Variants in RNF145 observed in about 807,000 individuals in gnomAD.
RNF145 encodes the protein ring finger protein 145.
In RNF145, 12 loss-of-function variants were observed where a neutral mutation model predicts 57.3. The ratio of observed to expected loss-of-function variants is 0.21; its 90% CI spans 0.13 to 0.34. RNF145 has a LOEUF of 0.34. Ranked by LOEUF, RNF145 falls within the 10% of genes least tolerant of loss-of-function variation. The pLI, the probability that RNF145 is intolerant of heterozygous loss-of-function variation, is 1.00. For missense variants in RNF145, 429 were observed against 799.0 expected, an observed-to-expected ratio of 0.54 and a Z score of 5.58; for synonymous variants, 262 against 288.3, an observed-to-expected ratio of 0.91 and a Z score of 0.92.
intron 3 of RNF145, among the ~76,000 whole-genome samples, chr5:159,192,689 C>T (rs1200775435): frequency 6.6e-6 from 1 of 152,134 alleles, no homozygotes; most frequent in African/African-American, 2.4e-5. Context: ...TTTGATCTTA[C>T]AACAGCCCCT....
chr5:159,169,585 CT>C (rs1294142008), intron 7 of RNF145, 93 bp downstream of exon 7: 1 of 1,096,828 alleles, frequency 9.1e-7, no homozygotes, highest in African/African-American at 1.6e-5. Context: ...AATTCCATTT[CT>C]TCTAAAATTC....
At position 159,159,498 on chromosome 5, in the gene RNF145, T is replaced by C. The variant is rs551453795; in HGVS notation, c.1627-463A>G. ...CAAAGAGACAAAATCGGCCATATAATACCAGGGTATTGGCAAGGAAGTGGC... is the reference window on the plus strand; with the variant it reads ...CAAAGAGACAAAATCGGCCATATAACACCAGGGTATTGGCAAGGAAGTGGC... On this transcript the variant is annotated intron_variant, in intron 10 of 10. Coordinates refer to ENST00000424310, the MANE Select transcript of RNF145 (RefSeq NM_001199383.2). 4.2e-4 allele frequency among the ~76,000 whole-genome samples: 64 copies of C among 152,340 alleles called. 2 individuals are homozygous for C. Among genetic ancestry groups the C allele is most frequent in the African/African-American group, 1.4e-3 (57 of 41,576 alleles).
intron 3 of RNF145, among the ~76,000 whole-genome samples, chr5:159,186,325 G>C (rs1785053707): frequency 6.6e-6 from 1 of 152,026 alleles, no homozygotes; most frequent in African/African-American, 2.4e-5. Flanking sequence ...AAAATAAATG[G>C]GTACCAAGAA....
intron 4 of RNF145, among the ~76,000 whole-genome samples, chr5:159,178,139 C>T (rs1178058876): frequency 1.3e-5 from 2 of 151,880 alleles, no homozygotes; most frequent in Admixed American, 1.3e-4. Context: ...ATGGCTACCC[C>T]ACTCAAGATT....
Position 159,209,408 on chromosome 5 carries a change from A to G in RNF145, c.-217T>C. 3.0e-6 allele frequency: 3 copies of G among 985,684 alleles called. No individual in the cohort carries two copies. Among genetic ancestry groups the G allele is most frequent in the Non-Finnish European group, 3.6e-6 (3 of 829,944 alleles). The allele number at this position is 985,684 out of a possible 1,614,324, so 61.1% of individuals were successfully genotyped here. ...TCGGATGTTGCTTCTGGGGAGGCGGAGGCAGCGGCAGCGGCAGCGGCCCGG... is the reference window on the plus strand; with the variant it reads ...TCGGATGTTGCTTCTGGGGAGGCGGGGGCAGCGGCAGCGGCAGCGGCCCGG... On this transcript the variant is annotated 5_prime_UTR_variant, in exon 1 of 11. Transcript: ENST00000424310.
intron 1 of RNF145, chr5:159,207,632 A>T (rs779878096): frequency 2.3e-4 from 374 of 1,602,272 alleles, no homozygotes; most frequent in Middle Eastern, 5.0e-4. Context: ...TAAAATTCTA[A>T]GTAAAAGCCC....
intron 8 of RNF145, among the ~76,000 whole-genome samples, chr5:159,168,344 A>G (rs1002777141): frequency 3.9e-5 from 6 of 152,206 alleles, no homozygotes; most frequent in African/African-American, 1.4e-4. Context: ...TAAGTTGTCA[A>G]GAATCCTTAT....
intron 3 of RNF145, among the ~76,000 whole-genome samples, chr5:159,187,320 T>C (rs1785105296): frequency 6.6e-6 from 1 of 152,000 alleles, no homozygotes; most frequent in Non-Finnish European, 1.5e-5. Flanking sequence ...ATCTAGTTTT[T>C]TTTTTTAAAG....
intron 10 of RNF145, among the ~76,000 whole-genome samples, chr5:159,160,929 T>G (rs550526313): frequency 2.0e-5 from 3 of 152,298 alleles, no homozygotes; most frequent in Admixed American, 2.0e-4. Context: ...TTTCAGGAGT[T>G]GCTGACCCCT....
chr5:159,207,684 G>C lies in RNF145; in HGVS notation c.-40+1547C>G. ...GAAAGAGAACGCATTTCTTACATAA[G>C]CAATGGCACATGTTTTAAATATAGC... On this transcript the variant is annotated intron_variant, in intron 1 of 10. Transcript: ENST00000424310. The C allele has an allele frequency of 2.5e-6, 4 of 1,612,900 alleles. No homozygotes were observed. The Admixed American group carries it at 5.0e-5, about 20-fold the overall frequency.
In RNF145 at chr5:159,194,896, T is replaced by C. The variant is rs529435282; in HGVS notation, c.185-72A>G. 44 of 1,079,820 alleles carry C rather than the reference T, an allele frequency of 4.1e-5. No homozygotes were observed. The African/African-American group carries it at 5.7e-4, about 14-fold the overall frequency. The allele number at this position is 1,079,820 out of a possible 1,614,324, so 66.9% of individuals were successfully genotyped here. ...ATTAATTACAATAAAAGAAAGAGCT[T>C]GAGACAAATAATTTTCCAAATAGGT... On this transcript the variant is annotated intron_variant, in intron 2 of 10. Coordinates refer to ENST00000424310, the MANE Select transcript of RNF145 (RefSeq NM_001199383.2).
rs367907107 is a variant in RNF145 at position 159,161,528 on chromosome 5, T to C, written c.1364A>G (p.Asn455Ser). The C allele has an allele frequency of 6.2e-7, 1 of 1,614,062 alleles. No individual in the cohort carries two copies. Among genetic ancestry groups the C allele is most frequent in the Non-Finnish European group, 8.5e-7 (1 of 1,179,950 alleles). The part of the protein sequence containing the change: ...ENMDDVIYYV[N>S]GTYRLLEFLV... ...AAACTCCAGCAGGCGGTAAGTGCCA[T>C]TCACATAGTAGATGACATCATCCAT... Residue 455 changes from asparagine to serine, a missense_variant, in exon 10 of 11, where the codon AAT (asparagine) becomes AGT (serine). By Grantham distance (46) the Asn-to-Ser change is conservative. Transcript: ENST00000424310.
chr5:159,172,318 T>G (rs1404516710), intron 6 of RNF145, among the ~76,000 whole-genome samples: 1 of 152,074 alleles, frequency 6.6e-6, no homozygotes, highest in Non-Finnish European at 1.5e-5. Flanking sequence ...TGGTCTCTAC[T>G]AATAATATAA....
chr5:159,191,968 C>A (rs1562069244), intron 3 of RNF145, among the ~76,000 whole-genome samples: 1 of 151,580 alleles, frequency 6.6e-6, no homozygotes, highest in Non-Finnish European at 1.5e-5. Context: ...CTAGAAATGC[C>A]TGGATTGGTA....
intron 3 of RNF145, among the ~76,000 whole-genome samples, chr5:159,194,475 A>T (rs1195388761): frequency 6.6e-6 from 1 of 152,190 alleles, no homozygotes. Context: ...CAGTTCAAGG[A>T]TATCTTTATA....
chr5:159,203,762 G>C, intron 1 of RNF145, 106 bp from the exon 2 acceptor site: 1 of 676,258 alleles, frequency 1.5e-6, no homozygotes, highest in Non-Finnish European at 2.5e-6. Flanking sequence ...ACAAAACTAT[G>C]TGAGAACGTA....
chr5:159,167,686 C>T (rs1784431315), intron 8 of RNF145, among the ~76,000 whole-genome samples: 1 of 152,114 alleles, frequency 6.6e-6, no homozygotes, highest in Admixed American at 6.5e-5. Context: ...ATGCTTCAGT[C>T]AAGAAACCTT....
rs1785936970 is a variant in RNF145 at position 159,207,559 on chromosome 5, G to A, written c.-40+1672C>T. On this transcript the variant is annotated intron_variant, in intron 1 of 10. Transcript: ENST00000424310. Reference sequence around the variant, plus strand: ...CTGATCTTAAGAAAAGTAAATTTTCGGGCTGTCCATCGGTTAGGATGGTAG... The same window carrying A: ...CTGATCTTAAGAAAAGTAAATTTTCAGGCTGTCCATCGGTTAGGATGGTAG... The A allele has an allele frequency of 4.4e-6, 7 of 1,590,314 alleles. No homozygotes were observed. The Admixed American group carries it at 1.2e-4, about 28-fold the overall frequency.
intron 3 of RNF145, among the ~76,000 whole-genome samples, chr5:159,190,526 A>G (rs928777114): frequency 6.6e-6 from 1 of 152,012 alleles, no homozygotes; most frequent in Admixed American, 6.6e-5. Context: ...ATCTCTACAA[A>G]AAAATATTTT....
Sources: allele counts gnomAD v4.1 joint callset (sites outside exome capture counted in the v4.1 genomes callset), GRCh38; gene constraint gnomAD v4.1.1; transcripts MANE v1.5; gene names NCBI Gene and HGNC (gene_info 2026-07-23, HGNC 2026-07-21).